The following FBXO9 variants were observed in gnomAD, a reference collection of about 807,000 sequenced individuals.
FBXO9 encodes F-box only protein 9.
Under a neutral mutation model 63.7 loss-of-function variants are expected in FBXO9, and 43 were observed. The ratio of observed to expected loss-of-function variants is 0.67; its 90% CI spans 0.53 to 0.87. FBXO9 has a LOEUF of 0.87. FBXO9 is among the 40% of genes least tolerant of loss of function. The pLI is 0.00. For missense variants in FBXO9, 442 were observed against 533.2 expected (o/e 0.83, Z 1.68); for synonymous variants, 156 against 171.7 (o/e 0.91, Z 0.72).
rs1763293281 is a variant in FBXO9, at chr6:53,099,292, C to G, written c.*1462C>G. 5 of 151,584 alleles carry G rather than the reference C, an allele frequency of 3.3e-5. No homozygotes were observed. Among genetic ancestry groups the G allele is most frequent in the Admixed American group, 3.3e-4 (5 of 15,184 alleles). The allele number at this position is 151,584 out of a possible 1,614,324, so 9.4% of individuals were successfully genotyped here. A position where few individuals can be genotyped will look rare whatever the true frequency, so the allele number is the denominator to read the frequency against. On this transcript the variant is annotated 3_prime_UTR_variant, in exon 13 of 13. Transcript: ENST00000323557. ...CCTATAGTCGCAGCTACTTGGGAGG[C>G]TGGGGCAGGAGAATTGCCTGAGCCT...
At chr6:53,095,297 A>T (rs1269691372) in intron 11 of FBXO9, among the ~76,000 whole-genome samples, 1 of 151,922 alleles carries the variant, frequency 6.6e-6, no homozygotes, top group African/African-American at 2.4e-5. Flanking sequence ...GGTTATTATG[A>T]TGATTAACTG....
intron 7 of FBXO9, among the ~76,000 whole-genome samples, chr6:53,090,476 TC>T (rs1263331015): frequency 1.3e-5 from 2 of 152,064 alleles, no homozygotes; most frequent in African/African-American, 4.8e-5. Flanking sequence ...CCTTCCCCAC[TC>T]CCACTGCTTA....
chr6:53,067,230 A>C (rs778463997), intron 1 of FBXO9, among the ~76,000 whole-genome samples: 1 of 152,342 alleles, frequency 6.6e-6, no homozygotes. Context: ...GTAGATCACC[A>C]TACCTCTTTA....
At chr6:53,079,739 T>C (rs549647987) in intron 5 of FBXO9, among the ~76,000 whole-genome samples, 63 of 152,220 alleles carry the variant, frequency 4.1e-4, no homozygotes, top group African/African-American at 1.4e-3. Context: ...TTAGCTATTA[T>C]ATTAATATAT....
Position 53,070,906 on chromosome 6 carries a change from A to G in FBXO9, c.4-151A>G, listed in dbSNP as rs909570588. 6 of 1,261,850 alleles carry G rather than the reference A, an allele frequency of 4.8e-6. No homozygotes were observed. In the South Asian group the frequency reaches 5.2e-5, roughly 11 times the overall value. The allele number at this position is 1,261,850 out of a possible 1,614,324, so 78.2% of individuals were successfully genotyped here. A position where few individuals can be genotyped will look rare whatever the true frequency, so the allele number is the denominator to read the frequency against. ...TTTGGAAATTAATAGTAAGGTCTCA[A>G]GTGCCCCCTACAGCCTTGCTACTCA... On this transcript the variant is annotated intron_variant, in intron 1 of 12. Coordinates refer to ENST00000323557, the MANE Select transcript of FBXO9 (RefSeq NM_033480.3).
intron 1 of FBXO9, among the ~76,000 whole-genome samples, chr6:53,070,259 A>G (rs1435754849): frequency 1.3e-5 from 2 of 151,756 alleles, no homozygotes; most frequent in Admixed American, 6.6e-5. Flanking sequence ...ACCTCAAGTG[A>G]TGCTCCTGCC....
intron 12 of FBXO9, among the ~76,000 whole-genome samples, chr6:53,097,262 T>G (rs1307411523): frequency 6.6e-6 from 1 of 151,518 alleles, no homozygotes; most frequent in Non-Finnish European, 1.5e-5. Context: ...TGTCTATAGC[T>G]TCTGACTTAA....
chr6:53,096,461 A>G (rs954381747), intron 12 of FBXO9, among the ~76,000 whole-genome samples: 2 of 152,176 alleles, frequency 1.3e-5, no homozygotes, highest in Non-Finnish European at 2.9e-5. Flanking sequence ...ACTGTGTCAC[A>G]TTTCCACTTT....
chr6:53,065,952 C>T (rs1181230619), intron 1 of FBXO9, 160 bp downstream of exon 1: 11 of 1,145,844 alleles, frequency 9.6e-6, no homozygotes, highest in Middle Eastern at 6.5e-4. Flanking sequence ...AGGAGTGCGT[C>T]GGGGGGCGGG....
intron 7 of FBXO9, among the ~76,000 whole-genome samples, chr6:53,086,243 A>G (rs571034467): frequency 1.3e-5 from 2 of 152,368 alleles, no homozygotes; most frequent in East Asian, 3.9e-4. Flanking sequence ...AGAGATGTCA[A>G]AGGTTCAAAA....
chr6:53,093,966 G>C lies in FBXO9; in HGVS notation c.1041G>C (p.Lys347Asn). 1.3e-6 allele frequency: 2 copies of C among 1,542,490 alleles called. No individual in the cohort carries two copies. Among genetic ancestry groups the C allele is most frequent in the Non-Finnish European group, 1.8e-6 (2 of 1,142,436 alleles). Residue 347 changes from lysine to asparagine, a missense_variant, in exon 11 of 13, where the codon AAG (lysine) becomes AAC (asparagine). Transcript: ENST00000323557. ...CCAAAGTATTTGCTGTAATAACTAA[G>C]AAAAAAGAAGAAGTGAGTATACGAG... ...NQTKVFAVITKKKEEKPLDYK... is the reference protein window; with the variant it reads ...NQTKVFAVITNKKEEKPLDYK...
chr6:53,092,485 A>G lies in FBXO9; in HGVS notation c.710A>G (p.Lys237Arg). 1 of 1,613,974 alleles carries G rather than the reference A, an allele frequency of 6.2e-7. No individual in the cohort carries two copies. The highest frequency in any genetic ancestry group is 1.6e-4 in the Middle Eastern group (1 of 6,062). The change falls in exon 8 of 13, where the codon AAA (lysine) becomes AGA (arginine). Residue 237 changes from lysine (K) to arginine (R), a missense_variant. Lys to Arg is a conservative substitution (Grantham distance 26, BLOSUM62 2). Around this residue, in one of 2 missense-constraint regions of FBXO9, gnomAD observed 262 missense variants for 362.1 expected, o/e 0.72. Coordinates refer to ENST00000323557, the MANE Select transcript of FBXO9 (RefSeq NM_033480.3). ...AAAGTTTGGGGCAGAAGCTGTATTA[A>G]ACTTGTTCCGTACACGTCCTGGAGA... ...CLKVWGRSCIKLVPYTSWREM... is the reference protein window; with the variant it reads ...CLKVWGRSCIRLVPYTSWREM...
chr6:53,066,743 A>G (rs1356765779), intron 1 of FBXO9, among the ~76,000 whole-genome samples: 1 of 152,250 alleles, frequency 6.6e-6, no homozygotes, highest in African/African-American at 2.4e-5. Context: ...AACAGGAGTA[A>G]CATGATGAAG....
At chr6:53,074,992 A>G (rs1027540524) in intron 3 of FBXO9, among the ~76,000 whole-genome samples, 6 of 152,328 alleles carry the variant, frequency 3.9e-5, no homozygotes, top group South Asian at 4.1e-4. Context: ...GCTAAGTTCT[A>G]TAGTAAGTAC....
chr6:53,074,188 C>T (rs1012696923), intron 3 of FBXO9, among the ~76,000 whole-genome samples: 4 of 151,020 alleles, frequency 2.6e-5, no homozygotes, highest in Non-Finnish European at 4.4e-5. Context: ...CTGGTACTTA[C>T]TCACACAGAG....
intron 2 of FBXO9, 33 bp from the exon 3 acceptor site, chr6:53,073,448 T>A (rs1420811333): frequency 1.2e-6 from 2 of 1,603,916 alleles, no homozygotes; most frequent in South Asian, 2.2e-5. Context: ...CTACCCTTCC[T>A]TGATGAGTCC....
intron 8 of FBXO9, 64 bp downstream of exon 8, chr6:53,092,611 G>T (rs902281492): frequency 6.7e-7 from 1 of 1,487,172 alleles, no homozygotes; most frequent in Non-Finnish European, 9.3e-7. Flanking sequence ...TTATAAATAC[G>T]CCGTTTAAAT....
intron 7 of FBXO9, among the ~76,000 whole-genome samples, chr6:53,090,614 A>G (rs1214274418): frequency 1.3e-5 from 2 of 152,228 alleles, no homozygotes; most frequent in African/African-American, 2.4e-5. Flanking sequence ...ACATTTTAAC[A>G]TAAGTTTGAG....
intron 1 of FBXO9, among the ~76,000 whole-genome samples, chr6:53,069,991 G>GTGAA (rs1554184244): frequency 3.7e-5 from 5 of 136,586 alleles, no homozygotes; most frequent in African/African-American, 1.3e-4. Flanking sequence ...TTTCTAAGAA[G>GTGAA]AATAATATTT....
Sources: allele counts gnomAD v4.1 joint callset (sites outside exome capture counted in the v4.1 genomes callset), GRCh38; gene constraint gnomAD v4.1.1; regional missense constraint gnomAD v4.1.1; transcripts MANE v1.5; gene names NCBI Gene and HGNC (gene_info 2026-07-23, HGNC 2026-07-21).